The following TRABD2A variants were observed in gnomAD, a reference collection of about 807,000 sequenced individuals.
TRABD2A encodes the protein metalloprotease TIKI1.
In TRABD2A, 43 loss-of-function variants were observed where a neutral mutation model predicts 45.6. That is an observed-to-expected ratio of 0.94 (90% CI 0.74 to 1.22). TRABD2A has a LOEUF of 1.22. Ranked by LOEUF, TRABD2A falls within the 50% of genes most tolerant of loss-of-function variation. The probability of loss-of-function intolerance (pLI) is 0.00; values close to 1 mark genes in which losing one functional copy is unlikely to be tolerated. For missense variants in TRABD2A, 642 were observed against 652.4 expected (o/e 0.98, Z 0.17); for synonymous variants, 269 against 265.0 (o/e 1.02, Z -0.15).
chr2:84,860,853 T>C (rs753442894), intron 2 of TRABD2A, among the ~76,000 whole-genome samples: 1 of 152,202 alleles, frequency 6.6e-6, no homozygotes, highest in Non-Finnish European at 1.5e-5. Flanking sequence ...AGAAGGTGTG[T>C]GGGGTCATCC....
In TRABD2A at chr2:84,828,708, T is replaced by A. The variant is rs114984249; in HGVS notation, c.1082+3347A>T. Among the ~76,000 whole-genome samples, 268 of 152,330 alleles carry A rather than the reference T, an allele frequency of 1.8e-3. 2 individuals carry two copies. The highest frequency in any genetic ancestry group is 6.1e-3 in the African/African-American group (252 of 41,564). On this transcript the variant is annotated intron_variant, in intron 5 of 6. Transcript: ENST00000409520. ...AGCAATGATATTAACACATAATCAA[T>A]CCTATTTGAGATCCCATCATGTGCC...
At chr2:84,844,255 G>A (rs886377549) in intron 2 of TRABD2A, among the ~76,000 whole-genome samples, 1 of 152,166 alleles carries the variant, frequency 6.6e-6, no homozygotes, top group Non-Finnish European at 1.5e-5. Context: ...CCAGTGGGAG[G>A]TAATTGAATC....
Position 84,859,617 on chromosome 2 carries a change from C to T in TRABD2A, c.669+10608G>A, listed in dbSNP as rs185789427. Among the ~76,000 whole-genome samples, 463 of 152,256 alleles carry T rather than the reference C, an allele frequency of 3.0e-3. 2 individuals are homozygous for T. Among genetic ancestry groups the T allele is most frequent in the African/African-American group, 7.5e-3 (311 of 41,556 alleles). On this transcript the variant is annotated intron_variant, in intron 2 of 6. Transcript: ENST00000409520. ...TTCTGAGCCCTGCAACTTGAGGTAA[C>T]GCACTGTGGCAATACAAGAACAGGA...
intron 2 of TRABD2A, among the ~76,000 whole-genome samples, chr2:84,868,183 C>G (rs899759145): frequency 2.6e-5 from 4 of 152,076 alleles, no homozygotes; most frequent in African/African-American, 9.7e-5. Flanking sequence ...TTGGAACCAA[C>G]CGAAATTGTC....
At chr2:84,876,420 T>C (rs554358665) in intron 1 of TRABD2A, among the ~76,000 whole-genome samples, 2 of 151,390 alleles carry the variant, frequency 1.3e-5, no homozygotes, top group Non-Finnish European at 2.9e-5. Context: ...ATCAGAAGAG[T>C]AGGAGGCCGA....
chr2:84,874,750 A>G, intron 1 of TRABD2A: 1 of 244,986 alleles, frequency 4.1e-6, no homozygotes, highest in South Asian at 6.3e-5. Flanking sequence ...TGACATTGCC[A>G]AGCCAACCAG....
At chr2:84,867,945 G>A (rs890471775) in intron 2 of TRABD2A, among the ~76,000 whole-genome samples, 4 of 152,212 alleles carry the variant, frequency 2.6e-5, no homozygotes, top group African/African-American at 9.6e-5. Flanking sequence ...ACAGGTACTG[G>A]AGAGGATGTG....
chr2:84,846,250 T>C (rs1467218514), intron 2 of TRABD2A, among the ~76,000 whole-genome samples: 7 of 152,202 alleles, frequency 4.6e-5, no homozygotes, highest in Admixed American at 4.6e-4. Context: ...AATGTACTTT[T>C]TAAATCTCTA....
rs569378988 is a variant in TRABD2A, at chr2:84,839,381, C to T, written c.817-58G>A. The stretch of plus-strand genomic sequence containing the variant: ...GGCAACAGAGTTATTAACAAAGTTA[C>T]TTCATTGGAGCATCAAATCCCCCAA... On this transcript the variant is annotated intron_variant, in intron 3 of 6. Transcript: ENST00000409520. 8.8e-5 allele frequency: 132 copies of T among 1,493,714 alleles called. 2 individuals are homozygous for T. The South Asian group carries it at 1.5e-3, about 17-fold the overall frequency. The allele number at this position is 1,493,714 out of a possible 1,614,324, so 92.5% of individuals were successfully genotyped here.
chr2:84,859,495 G>A (rs1049489200), intron 2 of TRABD2A, among the ~76,000 whole-genome samples: 1 of 152,178 alleles, frequency 6.6e-6, no homozygotes, highest in South Asian at 2.1e-4. Flanking sequence ...ATAACCATAA[G>A]CGTGATAATT....
At chr2:84,856,671 CCTTCCCTCT>C (rs1383786499) in intron 2 of TRABD2A, among the ~76,000 whole-genome samples, 2 of 152,180 alleles carry the variant, frequency 1.3e-5, no homozygotes, top group Admixed American at 1.3e-4. Flanking sequence ...GCCAGCTGGA[CCTTCCCTCT>C]CTTTTCTTCC....
intron 2 of TRABD2A, among the ~76,000 whole-genome samples, chr2:84,845,644 A>G (rs1422707926): frequency 6.6e-6 from 1 of 152,202 alleles, no homozygotes; most frequent in Non-Finnish European, 1.5e-5. Flanking sequence ...AGTGGTTGAT[A>G]GACTGAACAT....
chr2:84,879,568 G>T (rs1268534864), intron 1 of TRABD2A: 1 of 983,296 alleles, frequency 1.0e-6, no homozygotes, highest in Non-Finnish European at 1.2e-6. Context: ...AGATTCTAAA[G>T]GAGAGAGATC....
At chr2:84,828,727 A>G (rs1402580423) in intron 5 of TRABD2A, among the ~76,000 whole-genome samples, 1 of 152,238 alleles carries the variant, frequency 6.6e-6, no homozygotes, top group African/African-American at 2.4e-5. Context: ...AGATCCCATC[A>G]TGTGCCAGAT....
At chr2:84,840,521 T>C (rs1304704197) in intron 3 of TRABD2A, among the ~76,000 whole-genome samples, 1 of 152,206 alleles carries the variant, frequency 6.6e-6, no homozygotes, top group Non-Finnish European at 1.5e-5. Flanking sequence ...CCTGACCTCC[T>C]GTAGGGGCCC....
chr2:84,879,782 C>A (rs982393275), intron 1 of TRABD2A, among the ~76,000 whole-genome samples: 2 of 152,210 alleles, frequency 1.3e-5, no homozygotes, highest in African/African-American at 4.8e-5. Flanking sequence ...GGGCCGTCCG[C>A]AGCCCCGCGA....
chr2:84,838,254 A>G (rs1681587240), intron 4 of TRABD2A: 2 of 717,358 alleles, frequency 2.8e-6, no homozygotes, highest in African/African-American at 3.5e-5. Flanking sequence ...GGGAAAAGGG[A>G]GATAAAAACA....
In TRABD2A at chr2:84,822,085, T is replaced by C. The variant is rs752620825; in HGVS notation, c.1350A>G (p.Gln450=). ...VRLEESDIVP[Q]LQVPVLDRHI... ...GCCTGTCCAGGACAGGGACCTGGAG[T>C]TGCGGGACTATGTCACTAGGAGGCA... Residue 450 remains glutamine, a synonymous_variant, in exon 7 of 7, where the codon CAA becomes CAG. Transcript: ENST00000409520. 3.8e-6 allele frequency: 6 copies of C among 1,575,792 alleles called. No homozygotes were observed. In the African/African-American group the frequency reaches 5.4e-5, roughly 14 times the overall value.
At chr2:84,831,364 T>C (rs1681331312) in intron 5 of TRABD2A, among the ~76,000 whole-genome samples, 1 of 152,016 alleles carries the variant, frequency 6.6e-6, no homozygotes. Context: ...GTGGTTGTTG[T>C]TATGACAGCC....
Sources: gnomAD v4.1 joint callset for allele counts (sites outside exome capture counted in the v4.1 genomes callset) on GRCh38, gnomAD v4.1.1 for gene constraint, MANE v1.5 for transcripts, NCBI Gene and HGNC (gene_info 2026-07-23, HGNC 2026-07-21) for gene names.